The following ZNF821 variants were observed in gnomAD, a reference collection of about 807,000 sequenced individuals.
ZNF821 encodes the protein zinc finger protein 821.
Under a neutral mutation model 44.3 loss-of-function variants are expected in ZNF821, and 16 were observed. The observed-to-expected ratio is 0.36, with a 90% CI of 0.24 to 0.55. The LOEUF (loss-of-function observed/expected upper bound fraction) is 0.55. Among genes scored for constraint, ZNF821 ranks in the 20% least tolerant of loss-of-function variants. The pLI is 0.86. For missense variants in ZNF821, 436 were observed against 547.6 expected (o/e 0.80, Z 2.03); for synonymous variants, 204 against 197.6 (o/e 1.03, Z -0.27).
Position 71,860,009 on chromosome 16 carries a change from G to A in ZNF821, c.*9C>T. 6.4e-7 allele frequency: 1 copy of A among 1,571,292 alleles called. No individual in the cohort carries two copies. Among genetic ancestry groups the A allele is most frequent in the Admixed American group, 1.8e-5 (1 of 56,624 alleles). The stretch of plus-strand genomic sequence containing the variant: ...TAGGTGGGAAGGAGGGCAGGCAGGA[G>A]GGTGTGGTTCAGTGCAGAGAGCTGC... On this transcript the variant is annotated 3_prime_UTR_variant, in exon 8 of 8. Transcript: ENST00000425432. The surrounding 1 kb of genome is among the most constrained non-coding windows in gnomAD (Gnocchi z 7.3).
At chr16:71,866,418 T>A (rs1366195792) in intron 4 of ZNF821, among the ~76,000 whole-genome samples, 1 of 152,146 alleles carries the variant, frequency 6.6e-6, no homozygotes. Flanking sequence ...GAGCTATGGT[T>A]TGTGTGTCTT....
At chr16:71,893,437 C>G (rs1213134126) in intron 1 of ZNF821, among the ~76,000 whole-genome samples, 1 of 151,734 alleles carries the variant, frequency 6.6e-6, no homozygotes, top group African/African-American at 2.4e-5. Flanking sequence ...GCTAGGATTA[C>G]AGGCGTGAGC....
At position 71,869,696 on chromosome 16, in the gene ZNF821, G is replaced by C. The variant is rs539851682; in HGVS notation, c.41-1659C>G. ...TCTCTCCTCCAGGCTAGAGTGCAGT[G>C]GTGTGATCATGGCTTACTCCAGTCT... On this transcript the variant is annotated intron_variant, in intron 3 of 7. Coordinates refer to ENST00000425432, the MANE Select transcript of ZNF821 (RefSeq NM_001201552.2). Among the ~76,000 whole-genome samples, 31 of 152,084 alleles carry C rather than the reference G, an allele frequency of 2.0e-4. 1 individual carries two copies. In the South Asian group the frequency reaches 6.2e-3, roughly 31 times the overall value.
At chr16:71,869,742 A>G (rs1168084003) in intron 3 of ZNF821, among the ~76,000 whole-genome samples, 1 of 152,106 alleles carries the variant, frequency 6.6e-6, no homozygotes, top group East Asian at 1.9e-4. Flanking sequence ...GTCTCAAGCA[A>G]TCCTCCCACC....
At chr16:71,883,317 T>C (rs561985311) in intron 1 of ZNF821, 44 bp from the exon 2 acceptor site, 4 of 418,708 alleles carry the variant, frequency 9.6e-6, no homozygotes, top group South Asian at 5.3e-5. Context: ...CTTAGCCGCC[T>C]GGCTGTTCAC....
upstream of ZNF821, among the ~76,000 whole-genome samples, chr16:71,887,205 A>T (rs1204227250): frequency 6.6e-6 from 1 of 151,348 alleles, no homozygotes; most frequent in African/African-American, 2.4e-5. Flanking sequence ...ACATGGGTGC[A>T]TACATATATC....
At chr16:71,863,825 G>A (rs1006274172) in intron 6 of ZNF821, among the ~76,000 whole-genome samples, 7 of 152,088 alleles carry the variant, frequency 4.6e-5, no homozygotes, top group Non-Finnish European at 8.8e-5. Context: ...AGCATCCCGA[G>A]TAGCTGGGAC....
chr16:71,861,105 C>T (rs576272547), intron 7 of ZNF821, among the ~76,000 whole-genome samples: 3 of 152,290 alleles, frequency 2.0e-5, no homozygotes, highest in South Asian at 2.1e-4. Flanking sequence ...CCACCCGCCT[C>T]GGCCTCCCAA....
chr16:71,887,856 CTTTT>C (rs555295344), upstream of ZNF821, among the ~76,000 whole-genome samples: 4 of 133,614 alleles, frequency 3.0e-5, no homozygotes, highest in Non-Finnish European at 4.9e-5. Context: ...ATTGAGTTGT[CTTTT>C]TTTTTTTTTT....
chr16:71,886,901 A>G (rs893866824), upstream of ZNF821, among the ~76,000 whole-genome samples: 3 of 152,216 alleles, frequency 2.0e-5, no homozygotes, highest in Non-Finnish European at 4.4e-5. Flanking sequence ...CATTTCATAT[A>G]AATGTGATTG....
intron 2 of ZNF821, 152 bp from the exon 3 acceptor site, chr16:71,880,175 T>A (rs2036279237): frequency 4.9e-6 from 2 of 411,988 alleles, no homozygotes; most frequent in Non-Finnish European, 8.5e-6. Context: ...AAGAAATGAA[T>A]AAATCTCTAG....
In ZNF821 at chr16:71,859,952, C is replaced by G. The variant is rs960622142; in HGVS notation, c.*66G>C. ...CTCGTGGGTGGCAGCAGCACTGGTCCTCGTGGCTGTGGGTGTGGGTGGGTG... is the reference window on the plus strand; with the variant it reads ...CTCGTGGGTGGCAGCAGCACTGGTCGTCGTGGCTGTGGGTGTGGGTGGGTG... On this transcript the variant is annotated 3_prime_UTR_variant, in exon 8 of 8. Transcript: ENST00000425432. 6.9e-7 allele frequency: 1 copy of G among 1,455,456 alleles called. No homozygotes were observed. Among genetic ancestry groups the G allele is most frequent in the African/African-American group, 1.4e-5 (1 of 69,280 alleles). 90.2% of individuals were successfully genotyped at this position (1,455,456 alleles called of 1,614,324 possible). A position where few individuals can be genotyped will look rare whatever the true frequency, so the allele number is the denominator to read the frequency against.
chr16:71,873,194 C>A (rs1242453477), intron 3 of ZNF821, among the ~76,000 whole-genome samples: 1 of 151,976 alleles, frequency 6.6e-6, no homozygotes, highest in African/African-American at 2.4e-5. Flanking sequence ...TGGTGATGAA[C>A]GCAAGTAATC....
At chr16:71,867,101 G>C (rs2034629380) in intron 4 of ZNF821, among the ~76,000 whole-genome samples, 1 of 152,160 alleles carries the variant, frequency 6.6e-6, no homozygotes, top group South Asian at 2.1e-4. Context: ...TTAGGGAATT[G>C]GTATGGGAAG....
chr16:71,870,558 C>A (rs556026693), intron 3 of ZNF821, among the ~76,000 whole-genome samples: 1 of 149,760 alleles, frequency 6.7e-6, no homozygotes, highest in East Asian at 2.0e-4. Flanking sequence ...TGGCTCACTG[C>A]AGCCTCTGCT....
chr16:71,865,122 T>C, intron 4 of ZNF821, 74 bp from the exon 5 acceptor site: 1 of 1,571,660 alleles, frequency 6.4e-7, no homozygotes, highest in Non-Finnish European at 8.7e-7. Context: ...ACCCTAGAGT[T>C]GGCAGTTACA....
chr16:71,861,558 T>A (rs1466452057), intron 7 of ZNF821, among the ~76,000 whole-genome samples: 1 of 152,244 alleles, frequency 6.6e-6, no homozygotes, highest in South Asian at 2.1e-4. Context: ...CTCTTTCTAG[T>A]TGAAGATATT....
intron 2 of ZNF821, chr16:71,882,311 A>C (rs868451629): frequency 1.3e-5 from 2 of 151,744 alleles, no homozygotes; most frequent in South Asian, 4.1e-4. Context: ...AAAAAATAAA[A>C]TATACTCCTC....
At chr16:71,876,166 C>T (rs955220489) in intron 3 of ZNF821, among the ~76,000 whole-genome samples, 8 of 152,152 alleles carry the variant, frequency 5.3e-5, no homozygotes, top group African/African-American at 1.7e-4. Context: ...CTAAGAGTAC[C>T]TTTCCAGATG....
Sources: allele counts gnomAD v4.1 joint callset (sites outside exome capture counted in the v4.1 genomes callset), GRCh38; gene constraint gnomAD v4.1.1; non-coding constraint Gnocchi (gnomAD v3.1); transcripts MANE v1.5; gene names NCBI Gene and HGNC (gene_info 2026-07-23, HGNC 2026-07-21).